MED13: variants seen among roughly 807,000 people sequenced by gnomAD.
MED13 encodes the protein mediator of RNA polymerase II transcription subunit 13.
MED13 carries 23 observed loss-of-function variants against 225.2 expected under a neutral mutation model. The observed-to-expected ratio is 0.10, with a 90% CI of 0.07 to 0.14. MED13 has a LOEUF of 0.14. MED13 is among the 10% of genes least tolerant of loss of function. The pLI, the probability that MED13 is intolerant of heterozygous loss-of-function variation, is 1.00. For synonymous variants in MED13, 942 were observed against 889.2 expected (o/e 1.06, Z -1.06); for missense variants, 2,197 against 2,594.5 (o/e 0.85, Z 3.33).
intron 3 of MED13, among the ~76,000 whole-genome samples, chr17:62,048,239 C>G (rs1409712563): frequency 6.7e-6 from 1 of 149,268 alleles, no homozygotes; most frequent in Non-Finnish European, 1.5e-5. Context: ...AACCCCGTCT[C>G]CTTAAAAATA....
chr17:62,027,639 C>T (rs967365829), intron 8 of MED13, among the ~76,000 whole-genome samples: 1 of 152,098 alleles, frequency 6.6e-6, no homozygotes, highest in Non-Finnish European at 1.5e-5. Context: ...ACAGACTAAA[C>T]AGATAACCTA....
chr17:62,055,479 T>C (rs1603410155), intron 2 of MED13, among the ~76,000 whole-genome samples: 1 of 152,206 alleles, frequency 6.6e-6, no homozygotes, highest in Non-Finnish European at 1.5e-5. Context: ...TTTATGGTTT[T>C]ATTTTGTAAA....
intron 9 of MED13, chr17:62,006,139 T>C (rs765694516): frequency 2.0e-5 from 3 of 151,828 alleles, no homozygotes; most frequent in Admixed American, 2.0e-4. Flanking sequence ...GAAGGGATTA[T>C]AGCCCAACTA....
At chr17:62,051,591 G>A (rs2080957140) in intron 3 of MED13, among the ~76,000 whole-genome samples, 1 of 152,034 alleles carries the variant, frequency 6.6e-6, no homozygotes, top group Non-Finnish European at 1.5e-5. Flanking sequence ...TATTTATCCA[G>A]GCTTATCTAC....
At chr17:62,052,804 T>A in intron 2 of MED13, 99 bp from the exon 3 acceptor site, 1 of 732,424 alleles carries the variant, frequency 1.4e-6, no homozygotes, top group Non-Finnish European at 2.1e-6. Context: ...TCATCAACAC[T>A]AGCTTACCCC....
At chr17:62,058,738 T>C (rs527454831) in intron 2 of MED13, among the ~76,000 whole-genome samples, 84 of 152,308 alleles carry the variant, frequency 5.5e-4, no homozygotes, top group African/African-American at 1.9e-3. Context: ...TGTTATAGTT[T>C]GGCTAATACT....
At chr17:62,056,819 C>T (rs2080999759) in intron 2 of MED13, among the ~76,000 whole-genome samples, 1 of 152,096 alleles carries the variant, frequency 6.6e-6, no homozygotes, top group Admixed American at 6.6e-5. Context: ...AAATAAAGTT[C>T]AACTCTGCAT....
chr17:61,963,202 CAAAAAAAAAA>C (rs11290002), intron 20 of MED13, among the ~76,000 whole-genome samples: 46 of 55,796 alleles, frequency 8.2e-4, no homozygotes, highest in Non-Finnish European at 3.9e-4. Flanking sequence ...TTAAATTTAC[CAAAAAAAAAA>C]AAAAAAAAAA....
chr17:62,035,648 T>G, intron 3 of MED13, 40 bp from the exon 4 acceptor site: 2 of 1,556,538 alleles, frequency 1.3e-6, no homozygotes, highest in Non-Finnish European at 1.7e-6. Flanking sequence ...TGATGACTAG[T>G]GGCCAAAAAT....
intron 16 of MED13, among the ~76,000 whole-genome samples, chr17:61,976,047 A>G (rs2080153133): frequency 6.6e-6 from 1 of 152,146 alleles, no homozygotes; most frequent in Non-Finnish European, 1.5e-5. Context: ...AAGATTAAAC[A>G]GAATATGACT....
chr17:62,011,503 A>T (rs149723002), intron 8 of MED13, among the ~76,000 whole-genome samples: 3 of 152,330 alleles, frequency 2.0e-5, no homozygotes, highest in South Asian at 2.1e-4. Flanking sequence ...GTCTTACATG[A>T]TTTAAATATT....
At chr17:61,955,594 T>C (rs757649942) in intron 25 of MED13, 27 bp from the exon 26 acceptor site, 57 of 1,541,834 alleles carry the variant, frequency 3.7e-5, no homozygotes, top group Non-Finnish European at 4.5e-5. Context: ...TTTTTTCTTT[T>C]AATAAACGAA....
intron 8 of MED13, among the ~76,000 whole-genome samples, chr17:62,015,946 ATATATATATTTTTTT>A (rs2080571487): frequency 1.5e-4 from 2 of 13,602 alleles, no homozygotes; most frequent in Non-Finnish European, 2.8e-4. Context: ...ATATATATAT[ATATATATATTTTTTT>A]TTTTTTTTTT....
chr17:61,973,373 A>C (rs926908842), intron 16 of MED13, among the ~76,000 whole-genome samples: 1 of 152,208 alleles, frequency 6.6e-6, no homozygotes, highest in African/African-American at 2.4e-5. Flanking sequence ...ATTATACAGT[A>C]ACTTGCTCAC....
At chr17:62,049,645 G>A (rs906923473) in intron 3 of MED13, among the ~76,000 whole-genome samples, 31 of 152,170 alleles carry the variant, frequency 2.0e-4, no homozygotes, top group Admixed American at 2.0e-3. Flanking sequence ...GAAATGAAAT[G>A]TGAAGGCTGG....
At chr17:62,059,703 C>CTAAT (rs1242344292) in intron 2 of MED13, among the ~76,000 whole-genome samples, 9 of 152,150 alleles carry the variant, frequency 5.9e-5, no homozygotes, top group Admixed American at 4.6e-4. Context: ...CAGAGGCAGA[C>CTAAT]TAATTACCCC....
chr17:61,959,466 A>C (rs963337866), intron 23 of MED13, among the ~76,000 whole-genome samples: 1 of 152,180 alleles, frequency 6.6e-6, no homozygotes, highest in Non-Finnish European at 1.5e-5. Flanking sequence ...TCACTTAATC[A>C]GTATAAATAT....
chr17:61,997,296 T>C (rs2080354988), intron 9 of MED13, among the ~76,000 whole-genome samples: 2 of 152,326 alleles, frequency 1.3e-5, no homozygotes, highest in East Asian at 1.9e-4. Context: ...CCCAGATTTA[T>C]TGCAAAAACT....
At chr17:61,952,829 G>A (rs2143295895) in intron 27 of MED13, 136 bp downstream of exon 27, 1 of 960,628 alleles carries the variant, frequency 1.0e-6, no homozygotes, top group South Asian at 1.7e-5. Flanking sequence ...TAGAGATGGG[G>A]TTTCACCATA....
Sources: allele counts gnomAD v4.1 joint callset (sites outside exome capture counted in the v4.1 genomes callset), GRCh38; gene constraint gnomAD v4.1.1; transcripts MANE v1.5; gene names NCBI Gene and HGNC (gene_info 2026-07-23, HGNC 2026-07-21).